MMP26: variants seen among roughly 807,000 people sequenced by gnomAD.
MMP26 encodes matrix metalloproteinase-26.
Under a neutral mutation model 31.0 loss-of-function variants are expected in MMP26, and 33 were observed. The ratio of observed to expected loss-of-function variants is 1.06; its 90% CI spans 0.81 to 1.42. MMP26 has a LOEUF of 1.42. Among genes scored for constraint, MMP26 ranks in the 40% most tolerant of loss-of-function variants. The pLI is 0.00. For synonymous variants in MMP26, 122 were observed against 114.9 expected (o/e 1.06, Z -0.40); for missense variants, 347 against 316.1 (o/e 1.10, Z -0.74).
chr11:4,861,944 C>T (rs1052878946), intron 2 of MMP26, among the ~76,000 whole-genome samples: 2 of 152,144 alleles, frequency 1.3e-5, no homozygotes, highest in African/African-American at 4.8e-5. Flanking sequence ...CCCCTACCTA[C>T]CTCTGCAGCA....
intron 2 of MMP26, among the ~76,000 whole-genome samples, chr11:4,981,906 A>G (rs1468290984): frequency 3.3e-5 from 5 of 151,792 alleles, no homozygotes; most frequent in Non-Finnish European, 7.4e-5. Flanking sequence ...CAGGATCATC[A>G]ATATCATTGT....
At chr11:4,803,553 G>A in intron 2 of MMP26, 8 of 1,614,052 alleles carry the variant, frequency 5.0e-6, no homozygotes, top group Non-Finnish European at 6.8e-6. Flanking sequence ...CAAACAGGAT[G>A]TGTACAACTC....
intron 2 of MMP26, among the ~76,000 whole-genome samples, chr11:4,985,377 C>T (rs1030223584): frequency 6.6e-6 from 1 of 152,166 alleles, no homozygotes; most frequent in Non-Finnish European, 1.5e-5. Context: ...ATTTGTCTAA[C>T]AACAAACATC....
intron 1 of MMP26, among the ~76,000 whole-genome samples, chr11:4,762,525 A>G (rs1030322739): frequency 6.6e-6 from 1 of 152,146 alleles, no homozygotes; most frequent in Non-Finnish European, 1.5e-5. Flanking sequence ...GTCAAGATGA[A>G]AGTACTGACA....
intron 2 of MMP26, among the ~76,000 whole-genome samples, chr11:4,802,689 G>T (rs1229506844): frequency 6.6e-6 from 1 of 151,986 alleles, no homozygotes; most frequent in African/African-American, 2.4e-5. Flanking sequence ...AATGCCATAA[G>T]CATCACTACT....
chr11:4,812,497 A>G (rs1279454409), intron 2 of MMP26, among the ~76,000 whole-genome samples: 1 of 152,070 alleles, frequency 6.6e-6, no homozygotes, highest in Admixed American at 6.6e-5. Context: ...TCAATGATTC[A>G]AGGGGAAAAG....
intron 1 of MMP26, among the ~76,000 whole-genome samples, chr11:4,714,920 TCACACACA>T (rs66913726): frequency 6.5e-4 from 92 of 141,776 alleles, no homozygotes; most frequent in Non-Finnish European, 1.1e-3. Context: ...TCTCTCTCTC[TCACACACA>T]CACACACACA....
chr11:4,985,025 T>G lies in MMP26; in HGVS notation c.-144-3043T>G, dbSNP rs924332806. On this transcript the variant is annotated intron_variant, in intron 2 of 7. Coordinates refer to ENST00000380390, the MANE Select transcript of MMP26 (RefSeq NM_021801.5). ...GAATAAGTTTTAGTCATTTTCACCT[T>G]GTTTCTTTCATTGTGATTCCACTGA... 2.0e-5 allele frequency among the ~76,000 whole-genome samples: 3 copies of G among 152,164 alleles called. No homozygotes were observed. The South Asian group carries it at 6.2e-4, about 32-fold the overall frequency.
At chr11:4,890,769 G>T (rs962811415) in intron 2 of MMP26, among the ~76,000 whole-genome samples, 3 of 152,000 alleles carry the variant, frequency 2.0e-5, no homozygotes, top group African/African-American at 7.3e-5. Flanking sequence ...CTGTAATAAA[G>T]TCAGATCTTG....
At chr11:4,812,781 T>C (rs1302776820) in intron 2 of MMP26, among the ~76,000 whole-genome samples, 2 of 152,112 alleles carry the variant, frequency 1.3e-5, no homozygotes, top group Non-Finnish European at 2.9e-5. Context: ...AGGCTGTTAA[T>C]TTACATTGTC....
chr11:4,982,675 C>CACCAGTAT (rs1345722447), intron 2 of MMP26, among the ~76,000 whole-genome samples: 1 of 152,122 alleles, frequency 6.6e-6, no homozygotes, highest in Non-Finnish European at 1.5e-5. Context: ...TCTGAATAAA[C>CACCAGTAT]ACCAGTATAA....
At position 4,852,769 on chromosome 11, in the gene MMP26, G is replaced by A. The variant is rs547463636; in HGVS notation, c.-145+85428G>A. ...ATCTCAAAGAGATATCTTCACTCCC[G>A]TGTCCATTGAAGCATTATTCATAAT... On this transcript the variant is annotated intron_variant, in intron 2 of 7. Transcript: ENST00000380390. Among the ~76,000 whole-genome samples, 45 of 152,156 alleles carry A rather than the reference G, an allele frequency of 3.0e-4. 1 individual carries two copies. The South Asian group carries it at 7.1e-3, about 24-fold the overall frequency.
chr11:4,730,242 T>G (rs1848155610), intron 1 of MMP26, among the ~76,000 whole-genome samples: 1 of 152,206 alleles, frequency 6.6e-6, no homozygotes, highest in Non-Finnish European at 1.5e-5. Context: ...AGATATAGTC[T>G]TAACTTCCCC....
intron 2 of MMP26, chr11:4,768,891 A>G: frequency 1.4e-6 from 1 of 711,598 alleles, no homozygotes; most frequent in Non-Finnish European, 2.2e-6. Flanking sequence ...TTAAAAACCC[A>G]CATGCAATAG....
At position 4,848,227 on chromosome 11, in the gene MMP26, G is replaced by A. The variant is rs765403834; in HGVS notation, c.-145+80886G>A. 4.3e-5 allele frequency: 69 copies of A among 1,588,658 alleles called. No individual in the cohort carries two copies. The South Asian group carries it at 7.9e-4, about 18-fold the overall frequency. On this transcript the variant is annotated intron_variant, in intron 2 of 7. Coordinates refer to ENST00000380390, the MANE Select transcript of MMP26 (RefSeq NM_021801.5). ...AGCCCTGTACCACCAAACACGGAGG[G>A]ACATCCTACTCACTGAGCACCACCC...
At chr11:4,840,276 G>T (rs944186911) in intron 2 of MMP26, among the ~76,000 whole-genome samples, 1 of 152,244 alleles carries the variant, frequency 6.6e-6, no homozygotes, top group Non-Finnish European at 1.5e-5. Context: ...AAGGACACAG[G>T]CCTGGCTGGC....
intron 2 of MMP26, chr11:4,914,392 G>T: frequency 4.3e-6 from 1 of 232,244 alleles, no homozygotes; most frequent in Non-Finnish European, 8.4e-6. Context: ...CAATTCATGA[G>T]GCATTTACAA....
intron 1 of MMP26, chr11:4,710,780 A>G (rs950743568): frequency 9.6e-6 from 2 of 208,382 alleles, no homozygotes; most frequent in African/African-American, 4.6e-5. Context: ...AGCATGCACA[A>G]GTAAAGTCAT....
chr11:4,882,614 G>T (rs1850490505), intron 2 of MMP26: 1 of 1,613,880 alleles, frequency 6.2e-7, no homozygotes, highest in African/African-American at 1.3e-5. Context: ...GCAACAAAAA[G>T]CTCTCAGCAC....
Sources: allele counts gnomAD v4.1 joint callset (sites outside exome capture counted in the v4.1 genomes callset), GRCh38; gene constraint gnomAD v4.1.1; transcripts MANE v1.5; gene names NCBI Gene and HGNC (gene_info 2026-07-23, HGNC 2026-07-21).